QTMAN: variants seen among roughly 807,000 people sequenced by gnomAD.
QTMAN encodes tRNA-queuosine alpha-mannosyltransferase.
the QTMAN span, among the ~76,000 whole-genome samples, chr2:144,090,988 C>G: frequency 6.6e-6 from 1 of 151,592 alleles, no homozygotes; most frequent in Non-Finnish European, 1.5e-5. Flanking sequence ...GTATTGACAT[C>G]AAAAAAGACA....
chr2:143,952,112 C>A, the QTMAN span: 1 of 1,152,548 alleles, frequency 8.7e-7, no homozygotes. Flanking sequence ...GAAACAAAAA[C>A]CTCAAAGCAC....
At chr2:143,970,526 G>A in the QTMAN span, 6 of 675,654 alleles carry the variant, frequency 8.9e-6, no homozygotes, top group Admixed American at 2.7e-5. Context: ...TAATGCCATC[G>A]TATAATCTTT....
At chr2:144,054,068 G>T in the QTMAN span, among the ~76,000 whole-genome samples, 3 of 151,856 alleles carry the variant, frequency 2.0e-5, no homozygotes, top group Non-Finnish European at 4.4e-5. Context: ...GGCGCCTGTA[G>T]TCCCAGCTAC....
At chr2:144,319,975 G>A in the QTMAN span, 3 of 152,170 alleles carry the variant, frequency 2.0e-5, no homozygotes, top group Non-Finnish European at 4.4e-5. Context: ...TGCCTGAAAA[G>A]GGTCAACAAA....
At chr2:144,068,196 C>T in the QTMAN span, among the ~76,000 whole-genome samples, 1 of 152,168 alleles carries the variant, frequency 6.6e-6, no homozygotes, top group East Asian at 1.9e-4. Flanking sequence ...GTATGTATGA[C>T]AGGCATCTAA....
chr2:144,231,765 C>G, the QTMAN span, among the ~76,000 whole-genome samples: 75 of 151,770 alleles, frequency 4.9e-4, no homozygotes, highest in Non-Finnish European at 9.1e-4. Context: ...AATTAAACCA[C>G]TGCAGAAAGT....
the QTMAN span, among the ~76,000 whole-genome samples, chr2:144,195,394 G>C: frequency 0.14 from 21,036 of 152,064 alleles, 2,204 homozygotes; most frequent in African/African-American, 0.29. Context: ...CTCATTAATA[G>C]ATGTAAAACA....
At chr2:144,201,592 T>G in the QTMAN span, among the ~76,000 whole-genome samples, 3 of 152,228 alleles carry the variant, frequency 2.0e-5, no homozygotes, top group African/African-American at 4.8e-5. Context: ...AACAAAGGGT[T>G]CACTAAGTGC....
At chr2:144,280,860 A>G in the QTMAN span, among the ~76,000 whole-genome samples, 1 of 152,118 alleles carries the variant, frequency 6.6e-6, no homozygotes, top group Non-Finnish European at 1.5e-5. Context: ...AGAAAAATGC[A>G]TATTAAAACA....
At chr2:144,192,578 T>C in the QTMAN span, among the ~76,000 whole-genome samples, 2 of 152,212 alleles carry the variant, frequency 1.3e-5, no homozygotes, top group Non-Finnish European at 2.9e-5. Context: ...AGTAAAAATG[T>C]GTTCCAAGAC....
chr2:144,139,301 A>G, the QTMAN span, among the ~76,000 whole-genome samples: 1 of 152,090 alleles, frequency 6.6e-6, no homozygotes, highest in South Asian at 2.1e-4. Flanking sequence ...CTCTATATTC[A>G]GATGCCAATA....
chr2:144,321,421 T>C, the QTMAN span, among the ~76,000 whole-genome samples: 24 of 152,326 alleles, frequency 1.6e-4, no homozygotes, highest in African/African-American at 5.5e-4. Context: ...AATTAGTCCA[T>C]AATGAGGCTG....
the QTMAN span, among the ~76,000 whole-genome samples, chr2:144,133,127 AT>A: frequency 2.3e-5 from 1 of 42,842 alleles, no homozygotes; most frequent in Non-Finnish European, 4.1e-5. Flanking sequence ...ATATATATAT[AT>A]ATATATATAT....
chr2:144,259,659 T>C, the QTMAN span, among the ~76,000 whole-genome samples: 1 of 152,184 alleles, frequency 6.6e-6, no homozygotes, highest in Non-Finnish European at 1.5e-5. Context: ...ATCTGAAGGA[T>C]TACACTTAAA....
At chr2:144,215,694 C>A in the QTMAN span, among the ~76,000 whole-genome samples, 1 of 152,114 alleles carries the variant, frequency 6.6e-6, no homozygotes, top group East Asian at 1.9e-4. Flanking sequence ...CTGAATACTA[C>A]AAATATTTTT....
the QTMAN span, among the ~76,000 whole-genome samples, chr2:144,269,125 C>T: frequency 3.9e-5 from 6 of 152,232 alleles, no homozygotes; most frequent in Admixed American, 6.5e-5. Context: ...TATAAATCTA[C>T]GTAAGATGTT....
chr2:143,952,640 T>C, the QTMAN span: 1 of 703,458 alleles, frequency 1.4e-6, no homozygotes, highest in East Asian at 2.5e-5. Flanking sequence ...ACACATAAAA[T>C]TTTCCTTAAC....
chr2:144,144,619 G>A, the QTMAN span, among the ~76,000 whole-genome samples: 1 of 151,816 alleles, frequency 6.6e-6, no homozygotes, highest in Non-Finnish European at 1.5e-5. Context: ...TTGACGTGAA[G>A]CAGTTGCACT....
the QTMAN span, among the ~76,000 whole-genome samples, chr2:144,104,672 C>T: frequency 6.6e-6 from 1 of 152,214 alleles, no homozygotes; most frequent in East Asian, 1.9e-4. Context: ...GTAGACTCCA[C>T]CTCTGGGGGC....
Sources: gnomAD v4.1 joint callset for allele counts (sites outside exome capture counted in the v4.1 genomes callset) on GRCh38, gnomAD v4.1.1 for gene constraint, MANE v1.5 for transcripts, NCBI Gene and HGNC (gene_info 2026-07-23, HGNC 2026-07-21) for gene names.